LRRN2: variants seen among roughly 807,000 people sequenced by gnomAD.
LRRN2 encodes leucine rich repeat neuronal 2, also known as leucine-rich repeat neuronal protein 2.
A neutral mutation model predicts 35.7 loss-of-function variants in LRRN2; 10 were observed. The observed-to-expected ratio is 0.28, with a 90% CI of 0.17 to 0.47. The LOEUF is 0.47. LRRN2 is among the 20% of genes least tolerant of loss of function. The pLI is 0.99. For synonymous variants in LRRN2, 391 were observed against 409.6 expected, an observed-to-expected ratio of 0.95 and a Z score of 0.55; for missense variants, 731 against 940.3, an observed-to-expected ratio of 0.78 and a Z score of 2.91.
At chr1:204,660,922 G>A (rs1369649960) in intron 1 of LRRN2, among the ~76,000 whole-genome samples, 1 of 152,196 alleles carries the variant, frequency 6.6e-6, no homozygotes, top group Non-Finnish European at 1.5e-5. Flanking sequence ...GCAGGGGAGT[G>A]GGCCCAGGTC....
Position 204,685,322 on chromosome 1 carries a change from C to G in LRRN2, c.-229G>C, listed in dbSNP as rs1489574649. ...CAGCCCCGAAGCTGCACACTCACCC[C>G]GTGGGCGCCGGGCACCGTCTGCCGT... On this transcript the variant is annotated splice_region_variant and 5_prime_UTR_variant, in exon 1 of 2. Transcript: ENST00000367177. The G allele has an allele frequency of 3.3e-5, 5 of 151,862 alleles. No individual in the cohort carries two copies. The highest frequency in any genetic ancestry group is 7.4e-5 in the Non-Finnish European group (5 of 67,980). 9.4% of individuals were successfully genotyped at this position (151,862 alleles called of 1,614,324 possible). A position where few individuals can be genotyped will look rare whatever the true frequency, so the allele number is the denominator to read the frequency against.
chr1:204,662,615 AT>A (rs1558419667), intron 1 of LRRN2, among the ~76,000 whole-genome samples: 1 of 152,158 alleles, frequency 6.6e-6, no homozygotes, highest in African/African-American at 2.4e-5. Context: ...AAATGATCTT[AT>A]TTGATTTTCA....
At chr1:204,624,863 G>A (rs1322707784) in intron 1 of LRRN2, among the ~76,000 whole-genome samples, 2 of 152,174 alleles carry the variant, frequency 1.3e-5, no homozygotes, top group Admixed American at 6.5e-5. Context: ...ACAAAGCTGC[G>A]GAGAGAGATG....
rs1194828000 is a variant in LRRN2 at position 204,618,459 on chromosome 1, C to T, written c.1534G>A (p.Val512Met). 1 of 1,614,222 alleles carries T rather than the reference C, an allele frequency of 6.2e-7. No individual in the cohort carries two copies. Among genetic ancestry groups the T allele is most frequent in the Non-Finnish European group, 8.5e-7 (1 of 1,180,020 alleles). The change falls in exon 2 of 2, where the codon GTG becomes ATG. Residue 512 changes from valine to methionine, a missense_variant. Coordinates refer to ENST00000367177, the MANE Select transcript of LRRN2 (RefSeq NM_201630.2). ...TGGAGGAGAGCACGGCCCACAACCA[C>T]ACTAACCGTCTTAGTGTCAGCCCCC... ...LVGADTKTVS[V>M]VVGRALLQPG...
intron 1 of LRRN2, among the ~76,000 whole-genome samples, chr1:204,652,180 G>A (rs1363025490): frequency 3.9e-5 from 6 of 152,150 alleles, no homozygotes; most frequent in Admixed American, 2.6e-4. Flanking sequence ...ATGCCTGAGA[G>A]AGAAAGGGAG....
At chr1:204,658,263 C>A (rs1024880288) in intron 1 of LRRN2, among the ~76,000 whole-genome samples, 43 of 152,126 alleles carry the variant, frequency 2.8e-4, no homozygotes, top group Admixed American at 2.2e-3. Context: ...CAGGCATGAG[C>A]CACCGTGCCC....
intron 1 of LRRN2, among the ~76,000 whole-genome samples, chr1:204,656,204 T>C (rs1325796820): frequency 6.6e-6 from 1 of 152,194 alleles, no homozygotes; most frequent in Non-Finnish European, 1.5e-5. Context: ...CCACCACGCC[T>C]GGCCCCCCTC....
At chr1:204,651,100 C>T (rs531271982) in intron 1 of LRRN2, among the ~76,000 whole-genome samples, 35 of 152,284 alleles carry the variant, frequency 2.3e-4, no homozygotes, top group African/African-American at 5.5e-4. Flanking sequence ...GGATTCCAAG[C>T]GTGCGATGAT....
intron 1 of LRRN2, among the ~76,000 whole-genome samples, chr1:204,641,064 G>A (rs975344276): frequency 4.0e-5 from 6 of 149,820 alleles, no homozygotes; most frequent in African/African-American, 1.5e-4. Context: ...ATGAAGAGAG[G>A]GTTCTCATGC....
At chr1:204,628,219 C>G (rs1036852659) in intron 1 of LRRN2, 2 of 152,312 alleles carry the variant, frequency 1.3e-5, no homozygotes, top group Non-Finnish European at 2.9e-5. Flanking sequence ...TTTTCTCTGA[C>G]TCAAGTTCTT....
chr1:204,682,968 G>C (rs979996144), intron 1 of LRRN2: 3 of 152,274 alleles, frequency 2.0e-5, no homozygotes, highest in African/African-American at 4.8e-5. Context: ...TTGAGACATG[G>C]AGGTTTGTTT....
chr1:204,661,789 A>C (rs1269812777), intron 1 of LRRN2, among the ~76,000 whole-genome samples: 5 of 152,192 alleles, frequency 3.3e-5, no homozygotes, highest in Admixed American at 6.5e-5. Context: ...GAGGACAGCA[A>C]AAGCGGTAGC....
At chr1:204,649,255 A>G (rs1668173435) in intron 1 of LRRN2, among the ~76,000 whole-genome samples, 1 of 152,222 alleles carries the variant, frequency 6.6e-6, no homozygotes, top group African/African-American at 2.4e-5. Context: ...GCCTAAGAGC[A>G]ACCTGCTGAG....
chr1:204,660,170 A>C (rs1445722466), intron 1 of LRRN2, among the ~76,000 whole-genome samples: 1 of 151,666 alleles, frequency 6.6e-6, no homozygotes, highest in African/African-American at 2.4e-5. Context: ...TGTTCACAGG[A>C]CTCCTGCTCC....
chr1:204,672,888 A>G (rs1164392186), intron 1 of LRRN2, among the ~76,000 whole-genome samples: 1 of 152,172 alleles, frequency 6.6e-6, no homozygotes, highest in African/African-American at 2.4e-5. Flanking sequence ...AGCTCTAAAA[A>G]CAGACTCACC....
chr1:204,624,757 C>G (rs1333558855), intron 1 of LRRN2, among the ~76,000 whole-genome samples: 3 of 24,548 alleles, frequency 1.2e-4, no homozygotes, highest in East Asian at 6.4e-4. Flanking sequence ...CCCCCCCCAC[C>G]CCCCCCCCCG....
At chr1:204,648,960 C>T (rs1040393430) in intron 1 of LRRN2, among the ~76,000 whole-genome samples, 3 of 152,134 alleles carry the variant, frequency 2.0e-5, no homozygotes, top group African/African-American at 7.2e-5. Context: ...GAGGCAGCTG[C>T]GTGGCGCTGG....
intron 1 of LRRN2, among the ~76,000 whole-genome samples, chr1:204,681,602 G>C (rs548701402): frequency 6.6e-6 from 1 of 152,298 alleles, no homozygotes; most frequent in Non-Finnish European, 1.5e-5. Context: ...CTCCTTGAAG[G>C]CAGGGACATC....
intron 1 of LRRN2, among the ~76,000 whole-genome samples, chr1:204,632,780 A>T (rs925528085): frequency 7.2e-5 from 11 of 151,868 alleles, no homozygotes; most frequent in South Asian, 2.1e-4. Context: ...AAATACAAAA[A>T]AAAATTAGCC....
Sources: gnomAD v4.1 joint callset for allele counts (sites outside exome capture counted in the v4.1 genomes callset) on GRCh38, gnomAD v4.1.1 for gene constraint, MANE v1.5 for transcripts, NCBI Gene and HGNC (gene_info 2026-07-23, HGNC 2026-07-21) for gene names.